KLF17: variants seen among roughly 807,000 people sequenced by gnomAD.
KLF17 encodes Krueppel-like factor 17.
A neutral mutation model predicts 34.2 loss-of-function variants in KLF17; 31 were observed. That is an observed-to-expected ratio of 0.91 (90% CI 0.68 to 1.22). The LOEUF (loss-of-function observed/expected upper bound fraction) is 1.22, where lower values mean the gene tolerates loss of function less well. Ranked by LOEUF, KLF17 falls within the 50% of genes most tolerant of loss-of-function variation. KLF17 has a pLI of 0.00. For missense variants in KLF17, 478 were observed against 505.2 expected, an observed-to-expected ratio of 0.95 and a Z score of 0.52; for synonymous variants, 179 against 186.7, an observed-to-expected ratio of 0.96 and a Z score of 0.34.
At chr1:44,087,550 C>T in the KLF17 span, among the ~76,000 whole-genome samples, 1 of 151,174 alleles carries the variant, frequency 6.6e-6, no homozygotes. Flanking sequence ...AGGTGCGAGC[C>T]ACCACACCCG....
the KLF17 span, among the ~76,000 whole-genome samples, chr1:44,087,730 A>G: frequency 1.8e-5 from 1 of 55,626 alleles, no homozygotes; most frequent in South Asian, 8.6e-4. Context: ...TATTTTATAT[A>G]TATATATATA....
rs372576254 is a variant in KLF17 at position 44,134,632 on chromosome 1, G to A, written c.*1395G>A. 4 of 152,214 alleles carry A rather than the reference G, an allele frequency of 2.6e-5. No homozygotes were observed. The highest frequency in any genetic ancestry group is 9.7e-5 in the African/African-American group (4 of 41,434). The allele number at this position is 152,214 out of a possible 1,614,324, so 9.4% of individuals were successfully genotyped here. A position where few individuals can be genotyped will look rare whatever the true frequency, so the allele number is the denominator to read the frequency against. On this transcript the variant is annotated 3_prime_UTR_variant, in exon 4 of 4. Transcript: ENST00000372299. ...CTTGAGAAATTTACTTGTCACTCTT[G>A]CTTCTGATAGTAAAGGGGATGGTGC...
At chr1:44,084,844 C>A in the KLF17 span, among the ~76,000 whole-genome samples, 1 of 149,186 alleles carries the variant, frequency 6.7e-6, no homozygotes, top group African/African-American at 2.5e-5. Flanking sequence ...GAGGCCAAGG[C>A]AGGCAGAATG....
At chr1:44,099,913 G>GAAAGAAAGAAAGAAAGA in the KLF17 span, among the ~76,000 whole-genome samples, 2 of 57,574 alleles carry the variant, frequency 3.5e-5, no homozygotes, top group African/African-American at 1.1e-4. Context: ...AAGAAAGAAA[G>GAAAGAAAGAAAGAAAGA]AAAGAAAAGA....
At chr1:44,078,436 TC>T in the KLF17 span, among the ~76,000 whole-genome samples, 54,538 of 145,180 alleles carry the variant, frequency 0.38, 10,769 homozygotes, top group East Asian at 0.54. Context: ...TTTTCCTTCT[TC>T]TTTTTTTTTT....
chr1:44,063,992 T>G, the KLF17 span, among the ~76,000 whole-genome samples: 2,201 of 152,160 alleles, frequency 0.014, 53 homozygotes, highest in African/African-American at 0.051. Flanking sequence ...GGACCACGGG[T>G]CAGCAGGGCA....
intron 2 of KLF17, 134 bp downstream of exon 2, chr1:44,130,330 G>A (rs1396513709): frequency 3.1e-5 from 40 of 1,302,778 alleles, no homozygotes; most frequent in Non-Finnish European, 3.7e-5. Context: ...CTGGCCCCCC[G>A]ACTTGCCATA....
At chr1:44,100,000 G>T in the KLF17 span, among the ~76,000 whole-genome samples, 1 of 151,422 alleles carries the variant, frequency 6.6e-6, no homozygotes, top group South Asian at 2.1e-4. Flanking sequence ...ACTTTGGGAG[G>T]CCAAGGTGGG....
chr1:44,101,218 T>A, the KLF17 span, among the ~76,000 whole-genome samples: 2 of 152,178 alleles, frequency 1.3e-5, no homozygotes, highest in African/African-American at 4.8e-5. Flanking sequence ...CAAAATACAG[T>A]GTAGATTTCC....
At chr1:44,097,221 T>C in the KLF17 span, among the ~76,000 whole-genome samples, 5 of 149,276 alleles carry the variant, frequency 3.3e-5, no homozygotes, top group South Asian at 2.1e-4. Context: ...TTGGTACCAG[T>C]ACCATGCTGT....
chr1:44,111,374 T>C, the KLF17 span, among the ~76,000 whole-genome samples: 1 of 152,120 alleles, frequency 6.6e-6, no homozygotes, highest in Admixed American at 6.5e-5. Flanking sequence ...ATTACATATG[T>C]TGGTGTATCC....
intron 1 of KLF17, among the ~76,000 whole-genome samples, chr1:44,128,921 A>G (rs543936081): frequency 3.0e-4 from 45 of 152,222 alleles, no homozygotes; most frequent in African/African-American, 1.1e-3. Flanking sequence ...CTGAGGCAGG[A>G]GAATCACTTG....
intron 3 of KLF17, among the ~76,000 whole-genome samples, chr1:44,132,427 C>T (rs2154311914): frequency 6.6e-6 from 1 of 152,262 alleles, no homozygotes; most frequent in Non-Finnish European, 1.5e-5. Context: ...CAAAACAGTA[C>T]CATCAATGGG....
chr1:44,083,522 C>T, the KLF17 span, among the ~76,000 whole-genome samples: 52 of 152,174 alleles, frequency 3.4e-4, 1 homozygote, highest in South Asian at 9.6e-3. Flanking sequence ...AAGAGCCAGG[C>T]GCGGTGGCTC....
chr1:44,055,024 C>G, the KLF17 span, among the ~76,000 whole-genome samples: 5 of 152,032 alleles, frequency 3.3e-5, no homozygotes, highest in African/African-American at 1.2e-4. Context: ...CGTGATCCAC[C>G]CGCCTCAGCC....
chr1:44,048,714 C>A, the KLF17 span, among the ~76,000 whole-genome samples: 2 of 152,104 alleles, frequency 1.3e-5, no homozygotes, highest in Admixed American at 1.3e-4. Context: ...GTGAAATTTT[C>A]TGTGTGTTTG....
the KLF17 span, among the ~76,000 whole-genome samples, chr1:44,082,110 G>T: frequency 6.6e-6 from 1 of 152,068 alleles, no homozygotes; most frequent in Non-Finnish European, 1.5e-5. Context: ...GACTAGAAGT[G>T]GTGCATAACC....
chr1:44,099,842 A>C, the KLF17 span, among the ~76,000 whole-genome samples: 1 of 40,098 alleles, frequency 2.5e-5, no homozygotes, highest in East Asian at 6.9e-4. Flanking sequence ...AGAAAGAAAG[A>C]AAGAAAGAAA....
the KLF17 span, among the ~76,000 whole-genome samples, chr1:44,072,646 A>T: frequency 6.6e-6 from 1 of 152,218 alleles, no homozygotes; most frequent in Non-Finnish European, 1.5e-5. Flanking sequence ...GAGAGCTATG[A>T]TCACACCACT....
Sources: gnomAD v4.1 joint callset for allele counts (sites outside exome capture counted in the v4.1 genomes callset) on GRCh38, gnomAD v4.1.1 for gene constraint, MANE v1.5 for transcripts, NCBI Gene and HGNC (gene_info 2026-07-23, HGNC 2026-07-21) for gene names.